RFX3: variants seen among roughly 807,000 people sequenced by gnomAD.
The protein encoded by RFX3 is transcription factor RFX3.
In RFX3, 14 loss-of-function variants were observed where a neutral mutation model predicts 98.6. That is an observed-to-expected ratio of 0.14 (90% CI 0.09 to 0.22). The LOEUF (loss-of-function observed/expected upper bound fraction) is 0.22, where lower values mean the gene tolerates loss of function less well. Ranked by LOEUF, RFX3 falls within the 10% of genes least tolerant of loss-of-function variation. The probability of loss-of-function intolerance (pLI) is 1.00; values close to 1 mark genes in which losing one functional copy is unlikely to be tolerated. For missense variants in RFX3, 639 were observed against 926.9 expected (o/e 0.69, Z 4.03); for synonymous variants, 383 against 328.4 (o/e 1.17, Z -1.80).
chr9:3,337,841 C>T (rs1057248402), intron 3 of RFX3, among the ~76,000 whole-genome samples: 1 of 152,166 alleles, frequency 6.6e-6, no homozygotes, highest in Admixed American at 6.5e-5. Context: ...AACCAAGAAC[C>T]TCTGCCTTAA....
At chr9:3,316,611 G>GTA (rs1277468894) in intron 4 of RFX3, among the ~76,000 whole-genome samples, 2 of 152,202 alleles carry the variant, frequency 1.3e-5, no homozygotes, top group Non-Finnish European at 2.9e-5. Context: ...TGACATGATT[G>GTA]TATATTTAGA....
intron 5 of RFX3, among the ~76,000 whole-genome samples, chr9:3,298,955 T>C (rs573637564): frequency 1.3e-5 from 2 of 151,834 alleles, no homozygotes; most frequent in South Asian, 4.1e-4. Flanking sequence ...CAAATTATTA[T>C]CAATAATTTC....
chr9:3,403,396 T>C (rs1356506352), intron 1 of RFX3, among the ~76,000 whole-genome samples: 1 of 152,166 alleles, frequency 6.6e-6, no homozygotes, highest in Non-Finnish European at 1.5e-5. Flanking sequence ...CTCATGACTG[T>C]GTACAATAAA....
At chr9:3,360,157 A>G (rs1156686416) in intron 2 of RFX3, among the ~76,000 whole-genome samples, 1 of 152,166 alleles carries the variant, frequency 6.6e-6, no homozygotes, top group African/African-American at 2.4e-5. Context: ...GAGAAGAGAT[A>G]ATTAAATAAA....
At chr9:3,266,861 G>A (rs1248963055) in intron 11 of RFX3, among the ~76,000 whole-genome samples, 1 of 151,870 alleles carries the variant, frequency 6.6e-6, no homozygotes, top group Non-Finnish European at 1.5e-5. Flanking sequence ...TGAAATTTTT[G>A]GGCAATTATT....
chr9:3,346,646 G>C, intron 3 of RFX3, 21 bp downstream of exon 3: 1 of 1,460,942 alleles, frequency 6.8e-7, no homozygotes, highest in Non-Finnish European at 9.6e-7. Flanking sequence ...GAATTAAAAA[G>C]ACTTCCACAT....
intron 1 of RFX3, among the ~76,000 whole-genome samples, chr9:3,426,681 G>A (rs1186806813): frequency 2.6e-5 from 4 of 152,146 alleles, no homozygotes; most frequent in Non-Finnish European, 4.4e-5. Flanking sequence ...CTGCCCATGC[G>A]AGGGATCTAG....
chr9:3,490,564 T>A (rs1005562952), intron 1 of RFX3, among the ~76,000 whole-genome samples: 1 of 152,110 alleles, frequency 6.6e-6, no homozygotes, highest in Non-Finnish European at 1.5e-5. Context: ...TGATTTTACA[T>A]GAGAGAATTT....
intron 14 of RFX3, among the ~76,000 whole-genome samples, chr9:3,256,180 G>C (rs1246332236): frequency 1.1e-3 from 168 of 151,754 alleles, no homozygotes; most frequent in Non-Finnish European, 8.8e-5. Flanking sequence ...CCGTGTTAGC[G>C]AGGATGGTCT....
At chr9:3,424,384 C>T (rs1315367138) in intron 1 of RFX3, among the ~76,000 whole-genome samples, 9 of 80,272 alleles carry the variant, frequency 1.1e-4, no homozygotes, top group East Asian at 7.9e-4. Flanking sequence ...TTTTTTGAGA[C>T]GGAGTCTCGC....
intron 1 of RFX3, among the ~76,000 whole-genome samples, chr9:3,518,074 A>G (rs1445527468): frequency 6.6e-6 from 1 of 152,228 alleles, no homozygotes; most frequent in African/African-American, 2.4e-5. Flanking sequence ...ATTCAGTCCA[A>G]TAACATGCTA....
intron 3 of RFX3, among the ~76,000 whole-genome samples, chr9:3,332,638 T>C (rs143979946): frequency 2.0e-5 from 3 of 152,324 alleles, no homozygotes; most frequent in Admixed American, 2.0e-4. Flanking sequence ...CATGATTCTC[T>C]CTTGCCTTCA....
chr9:3,403,527 A>G (rs1841675308), intron 1 of RFX3, among the ~76,000 whole-genome samples: 1 of 152,184 alleles, frequency 6.6e-6, no homozygotes, highest in Non-Finnish European at 1.5e-5. Flanking sequence ...TAATCAGCAC[A>G]CTGGTAACAT....
Position 3,525,793 on chromosome 9 carries a change from T to A in RFX3, c.-55A>T. The A allele has an allele frequency of 1.8e-6, 1 of 568,584 alleles. No homozygotes were observed. Among genetic ancestry groups the A allele is most frequent in the Middle Eastern group, 8.7e-4 (1 of 1,146 alleles). The allele number at this position is 568,584 out of a possible 1,614,324, so 35.2% of individuals were successfully genotyped here. ...TGTTGTTGGTGGGTGATGGAGATGG[T>A]GGTGGTGGGGAGGAGGAGGAGGAAG... On this transcript the variant is annotated 5_prime_UTR_variant, in exon 1 of 17. Transcript: ENST00000617270.
intron 5 of RFX3, among the ~76,000 whole-genome samples, chr9:3,301,211 T>C (rs1828615721): frequency 6.6e-6 from 1 of 151,908 alleles, no homozygotes; most frequent in African/African-American, 2.4e-5. Flanking sequence ...TACAAGTATT[T>C]GCTTCATAGT....
In RFX3 at chr9:3,396,974, T is replaced by A. The variant is rs528719891; in HGVS notation, c.-8-1378A>T. On this transcript the variant is annotated intron_variant, in intron 1 of 16. Transcript: ENST00000617270. ...AAGTTAACTAATTTTGTGTATGGTA[T>A]AATATGGTACTAAAATCAAAATTCG... Among the ~76,000 whole-genome samples, 94 of 152,350 alleles carry A rather than the reference T, an allele frequency of 6.2e-4. 1 individual carries two copies. Among genetic ancestry groups the A allele is most frequent in the African/African-American group, 2.2e-3 (92 of 41,584 alleles).
chr9:3,407,334 C>T (rs1842056573), intron 1 of RFX3, among the ~76,000 whole-genome samples: 1 of 152,138 alleles, frequency 6.6e-6, no homozygotes, highest in Admixed American at 6.5e-5. Context: ...TACATTATTT[C>T]ATCTGTACAG....
intron 12 of RFX3, among the ~76,000 whole-genome samples, chr9:3,265,055 C>T (rs1823438867): frequency 6.8e-6 from 1 of 147,558 alleles, no homozygotes; most frequent in African/African-American, 2.4e-5. Context: ...CCAAAGAGAA[C>T]TCTCTGCCAT....
At chr9:3,392,734 A>T (rs1404794834) in intron 2 of RFX3, among the ~76,000 whole-genome samples, 1 of 152,150 alleles carries the variant, frequency 6.6e-6, no homozygotes, top group African/African-American at 2.4e-5. Flanking sequence ...GAGAAAAAAA[A>T]ATCACATAAA....
Sources: gnomAD v4.1 joint callset for allele counts (sites outside exome capture counted in the v4.1 genomes callset) on GRCh38, gnomAD v4.1.1 for gene constraint, MANE v1.5 for transcripts, NCBI Gene and HGNC (gene_info 2026-07-23, HGNC 2026-07-21) for gene names.